The following KLHL29 variants were observed in gnomAD, a reference collection of about 807,000 sequenced individuals.
KLHL29 encodes kelch like family member 29.
Under a neutral mutation model 80.4 loss-of-function variants are expected in KLHL29, and 21 were observed. The observed-to-expected ratio is 0.26, with a 90% CI of 0.19 to 0.38. KLHL29 has a LOEUF of 0.38. Ranked by LOEUF, KLHL29 falls within the 10% of genes least tolerant of loss-of-function variation. KLHL29 has a pLI of 1.00. For missense variants in KLHL29, 867 were observed against 1,223.9 expected (o/e 0.71, Z 4.35); for synonymous variants, 511 against 526.8 (o/e 0.97, Z 0.41).
intron 2 of KLHL29, among the ~76,000 whole-genome samples, chr2:23,479,816 A>G (rs906808298): frequency 6.6e-6 from 1 of 151,916 alleles, no homozygotes; most frequent in South Asian, 2.1e-4. Flanking sequence ...TCCTTCCTGG[A>G]CCCTGAGCTC....
At position 23,411,364 on chromosome 2, in the gene KLHL29, T is replaced by A. The variant is rs542243202; in HGVS notation, c.-154+25584T>A. Reference sequence around the variant, plus strand: ...TCCCATGCCTGGAGTATATTGGGTATGTATGTTGCAAAAATTGTGTGTGTG... The same window carrying A: ...TCCCATGCCTGGAGTATATTGGGTAAGTATGTTGCAAAAATTGTGTGTGTG... On this transcript the variant is annotated intron_variant, in intron 1 of 13. Coordinates refer to ENST00000486442, the MANE Select transcript of KLHL29 (RefSeq NM_052920.2). Among the ~76,000 whole-genome samples the A allele has an allele frequency of 2.7e-5, 4 of 149,380 alleles. No individual in the cohort carries two copies. In the South Asian group the frequency reaches 6.5e-4, roughly 24 times the overall value.
At chr2:23,592,524 G>T (rs988959589) in intron 3 of KLHL29, among the ~76,000 whole-genome samples, 4 of 152,242 alleles carry the variant, frequency 2.6e-5, no homozygotes, top group Admixed American at 2.0e-4. Flanking sequence ...GCAGGCCGGG[G>T]GCCTCTCCAG....
At chr2:23,393,243 C>T (rs1196901642) in intron 1 of KLHL29, among the ~76,000 whole-genome samples, 1 of 152,192 alleles carries the variant, frequency 6.6e-6, no homozygotes, top group East Asian at 1.9e-4. Flanking sequence ...TCTTTTCACT[C>T]CGTGGCTGTG....
intron 1 of KLHL29, among the ~76,000 whole-genome samples, chr2:23,404,107 C>T (rs1387945284): frequency 6.6e-6 from 1 of 152,168 alleles, no homozygotes; most frequent in Non-Finnish European, 1.5e-5. Flanking sequence ...GAGGAAGAAA[C>T]TTTCTGTTCC....
At chr2:23,544,801 G>A (rs1287317923) in intron 2 of KLHL29, among the ~76,000 whole-genome samples, 1 of 152,196 alleles carries the variant, frequency 6.6e-6, no homozygotes, top group Non-Finnish European at 1.5e-5. Context: ...GGGGCCTAAA[G>A]TGATGGAGCC....
In KLHL29 at chr2:23,696,259, C is replaced by T. The variant is rs1412683697; in HGVS notation, c.1925-74C>T. ...TTTGCAGGTGAAGCCTTCCTCTGCC[C>T]CTGGGGCTGGGCCTGCTGACCCCAG... On this transcript the variant is annotated intron_variant, in intron 10 of 13. Coordinates refer to ENST00000486442, the MANE Select transcript of KLHL29 (RefSeq NM_052920.2). This position sits in a 1 kb window ranked among gnomAD's most constrained non-coding sequence, Gnocchi z 5.5. 1.1e-5 allele frequency: 17 copies of T among 1,502,306 alleles called. No homozygotes were observed. Among genetic ancestry groups the T allele is most frequent in the Non-Finnish European group, 1.5e-5 (17 of 1,107,538 alleles). The allele number at this position is 1,502,306 out of a possible 1,614,324, so 93.1% of individuals were successfully genotyped here. A position where few individuals can be genotyped will look rare whatever the true frequency, so the allele number is the denominator to read the frequency against.
intron 2 of KLHL29, among the ~76,000 whole-genome samples, chr2:23,476,025 T>TGTGCTATCACGAC (rs1191453193): frequency 1.8e-4 from 28 of 152,196 alleles, no homozygotes; most frequent in Admixed American, 1.5e-3. Flanking sequence ...ACTACAGGCA[T>TGTGCTATCACGAC]GTGCTATCAC....
intron 1 of KLHL29, among the ~76,000 whole-genome samples, chr2:23,444,618 A>C (rs943782763): frequency 1.3e-5 from 2 of 152,120 alleles, no homozygotes; most frequent in African/African-American, 4.8e-5. Context: ...GAACCACTGC[A>C]CCCAGCATCA....
chr2:23,631,533 T>C (rs1669469035), intron 3 of KLHL29, among the ~76,000 whole-genome samples: 1 of 151,724 alleles, frequency 6.6e-6, no homozygotes, highest in South Asian at 2.1e-4. Context: ...ATGGCAGGGC[T>C]CTGAAGGGGA....
chr2:23,620,972 G>A (rs563524783), intron 3 of KLHL29, among the ~76,000 whole-genome samples: 27 of 152,334 alleles, frequency 1.8e-4, no homozygotes, highest in African/African-American at 4.8e-4. Context: ...CCGGACTCCC[G>A]TCATGAAACC....
chr2:23,463,503 C>G (rs1664270813), intron 1 of KLHL29, among the ~76,000 whole-genome samples: 1 of 152,088 alleles, frequency 6.6e-6, no homozygotes, highest in South Asian at 2.1e-4. Context: ...GTACAAAATT[C>G]TCATTTAAAA....
At chr2:23,572,910 G>A (rs570643938) in intron 3 of KLHL29, among the ~76,000 whole-genome samples, 74 of 152,208 alleles carry the variant, frequency 4.9e-4, no homozygotes, top group Non-Finnish European at 9.1e-4. Context: ...CCATGGTCTC[G>A]ATCTCCTGAC....
chr2:23,695,796 C>T lies in KLHL29; in HGVS notation c.1716C>T (p.Pro572=). ...LPHARQEMQT[P]RTRPRLSAGV... ...ACGCCCGCCAGGAGATGCAGACGCC[C>T]CGAACCCGGCCGCGCCTCTCTGCAG... is the stretch of plus-strand genomic sequence containing the variant. Residue 572 remains proline (P), a synonymous_variant, in exon 9 of 14, where the codon CCC becomes CCT. Coordinates refer to ENST00000486442, the MANE Select transcript of KLHL29 (RefSeq NM_052920.2). This position sits in a 1 kb window ranked among gnomAD's most constrained non-coding sequence, Gnocchi z 7.6. 1 of 1,550,232 alleles carries T rather than the reference C, an allele frequency of 6.5e-7. No individual in the cohort carries two copies. Among genetic ancestry groups the T allele is most frequent in the Non-Finnish European group, 8.7e-7 (1 of 1,146,776 alleles).
intron 1 of KLHL29, among the ~76,000 whole-genome samples, chr2:23,446,790 C>T (rs1212450723): frequency 6.6e-6 from 1 of 152,094 alleles, no homozygotes; most frequent in Non-Finnish European, 1.5e-5. Flanking sequence ...AAATTATGTG[C>T]ATCTTTGCAA....
At chr2:23,588,831 G>A (rs752084444) in intron 3 of KLHL29, among the ~76,000 whole-genome samples, 2 of 152,120 alleles carry the variant, frequency 1.3e-5, no homozygotes, top group Non-Finnish European at 2.9e-5. Context: ...ACCAGCCCCC[G>A]GAAGACAAGT....
intron 3 of KLHL29, among the ~76,000 whole-genome samples, chr2:23,583,819 AG>A (rs1284864967): frequency 3.9e-5 from 6 of 152,212 alleles, no homozygotes; most frequent in African/African-American, 4.8e-5. Context: ...AAAAGCTCCA[AG>A]CCCCAACCAC....
chr2:23,641,262 C>T lies in KLHL29; in HGVS notation c.428-1076C>T, dbSNP rs188605931. Among the ~76,000 whole-genome samples, 96 of 152,346 alleles carry T rather than the reference C, an allele frequency of 6.3e-4. No homozygotes were observed. In the East Asian group the frequency reaches 0.015, roughly 24 times the overall value. On this transcript the variant is annotated intron_variant, in intron 4 of 13. Transcript: ENST00000486442. ...CTCAAGAGATGTATCTGGACCCCAC[C>T]TCATTCAGCCATATTTTTCTTAAGG...
At chr2:23,516,594 A>G (rs1232745921) in intron 2 of KLHL29, among the ~76,000 whole-genome samples, 4 of 152,224 alleles carry the variant, frequency 2.6e-5, no homozygotes, top group Non-Finnish European at 4.4e-5. Context: ...CTAGCCAGGT[A>G]GCCCCATGGC....
intron 5 of KLHL29, among the ~76,000 whole-genome samples, chr2:23,678,341 T>G (rs1670978718): frequency 6.6e-6 from 1 of 152,190 alleles, no homozygotes; most frequent in East Asian, 1.9e-4. Context: ...AGAGGGGATA[T>G]CTGGTCCATA....
Sources: gnomAD v4.1 joint callset for allele counts (sites outside exome capture counted in the v4.1 genomes callset) on GRCh38, gnomAD v4.1.1 for gene constraint, Gnocchi (gnomAD v3.1) non-coding constraint, MANE v1.5 for transcripts, NCBI Gene and HGNC (gene_info 2026-07-23, HGNC 2026-07-21) for gene names.